The following PYGB variants were observed in gnomAD, a reference collection of about 807,000 sequenced individuals.
The protein encoded by PYGB is glycogen phosphorylase, brain form.
PYGB carries 82 observed loss-of-function variants against 94.3 expected under a neutral mutation model. The ratio of observed to expected loss-of-function variants is 0.87; its 90% CI spans 0.73 to 1.04. PYGB has a LOEUF of 1.04. PYGB is among the 50% of genes least tolerant of loss of function. The pLI is 0.00. For synonymous variants in PYGB, 488 were observed against 479.1 expected, an observed-to-expected ratio of 1.02 and a Z score of -0.24; for missense variants, 1,132 against 1,158.2, an observed-to-expected ratio of 0.98 and a Z score of 0.33.
At chr20:25,261,861 A>G (rs1431943303) in intron 2 of PYGB, among the ~76,000 whole-genome samples, 1 of 152,246 alleles carries the variant, frequency 6.6e-6, no homozygotes. Flanking sequence ...AATTCGATCA[A>G]CTGGAAAAAA....
chr20:25,249,796 G>A (rs2092882395), intron 1 of PYGB, among the ~76,000 whole-genome samples: 1 of 151,950 alleles, frequency 6.6e-6, no homozygotes, highest in Admixed American at 6.6e-5. Context: ...CAGCCAAGAA[G>A]CAGTGGCTCC....
chr20:25,295,251 AG>A (rs1163430684), intron 18 of PYGB, among the ~76,000 whole-genome samples: 1 of 152,256 alleles, frequency 6.6e-6, no homozygotes, highest in East Asian at 1.9e-4. Context: ...CCCTGCCCTG[AG>A]GCGGCGCCAT....
Position 25,280,274 on chromosome 20 carries a change from A to T in PYGB, c.1101A>T (p.Glu367Asp). 6.2e-7 allele frequency: 1 copy of T among 1,614,076 alleles called. No individual in the cohort carries two copies. Among genetic ancestry groups the T allele is most frequent in the Non-Finnish European group, 8.5e-7 (1 of 1,179,916 alleles). Residue 367 changes from glutamate to aspartate, a missense_variant, in exon 10 of 20, where the codon GAA becomes GAT. Coordinates refer to ENST00000216962, the MANE Select transcript of PYGB (RefSeq NM_002862.4). ...ATTCTCTAATGGCCTAGGCCTGGGAAATCACGAAGAAGACCTGTGCATACA... is the reference window on the plus strand; with the variant it reads ...ATTCTCTAATGGCCTAGGCCTGGGATATCACGAAGAAGACCTGTGCATACA... ...VEKVDWDKAW[E>D]ITKKTCAYTN...
intron 1 of PYGB, among the ~76,000 whole-genome samples, chr20:25,255,135 A>C (rs1216979786): frequency 6.6e-6 from 1 of 152,196 alleles, no homozygotes. Flanking sequence ...GTGCTAGCTA[A>C]TCCTCACATC....
intron 17 of PYGB, among the ~76,000 whole-genome samples, chr20:25,293,432 A>G (rs549206310): frequency 0.08 from 25 of 312 alleles, no homozygotes; most frequent in Admixed American, 0.3. Flanking sequence ...CATGATCTGG[A>G]CGTCATGAGG....
intron 17 of PYGB, among the ~76,000 whole-genome samples, chr20:25,293,048 G>T (rs2088485208): frequency 6.6e-6 from 1 of 151,828 alleles, no homozygotes; most frequent in Admixed American, 6.6e-5. Context: ...TGCTGTTGAG[G>T]TTCCCTGGTC....
chr20:25,294,293 G>A lies in PYGB; in HGVS notation c.2312+1G>A. The A allele has an allele frequency of 2.5e-6, 4 of 1,592,074 alleles. No individual in the cohort carries two copies. Among genetic ancestry groups the A allele is most frequent in the Non-Finnish European group, 3.4e-6 (4 of 1,163,250 alleles). On this transcript the variant is annotated splice_donor_variant, in intron 18 of 19. Transcript: ENST00000216962. LOFTEE classifies it high-confidence loss of function. ...TGAACATGCTGATGCACCATGACAG[G>A]TGGGACCGACTTCCCTGGTTGGGTG...
rs2088530582 is a variant in PYGB at position 25,295,676 on chromosome 20, G to A, written c.2379+6G>A. 4 of 1,612,220 alleles carry A rather than the reference G, an allele frequency of 2.5e-6. No homozygotes were observed. In the Admixed American group the frequency reaches 5.0e-5, roughly 20 times the overall value. On this transcript the variant is annotated splice_donor_region_variant and intron_variant, in intron 19 of 19. Coordinates refer to ENST00000216962, the MANE Select transcript of PYGB (RefSeq NM_002862.4). The stretch of plus-strand genomic sequence containing the variant: ...AGGTGGACCAGCTGTACCGGGTGAG[G>A]CTCCTGGGTCCAGAGGCTAGGGGAG...
chr20:25,290,134 G>A (rs768011672), intron 15 of PYGB, among the ~76,000 whole-genome samples: 1 of 152,188 alleles, frequency 6.6e-6, no homozygotes, highest in Non-Finnish European at 1.5e-5. Context: ...TGTCCCTCCA[G>A]TGTGTCCCAG....
At chr20:25,259,467 C>A in intron 2 of PYGB, 129 bp downstream of exon 2, 1 of 669,506 alleles carries the variant, frequency 1.5e-6, no homozygotes. Flanking sequence ...GATTTACGGC[C>A]TGTTCTCCCC....
intron 1 of PYGB, among the ~76,000 whole-genome samples, chr20:25,254,162 C>A (rs1219743488): frequency 6.6e-6 from 1 of 152,114 alleles, no homozygotes; most frequent in African/African-American, 2.4e-5. Flanking sequence ...GGAAGCTCTC[C>A]TACACACCCA....
In PYGB at chr20:25,283,187, G is replaced by A. The variant is rs775245437; in HGVS notation, c.1530G>A (p.Glu510=). ...LADTIVEKIG[E]EFLTDLSQLK... is the part of the protein sequence containing the mutation. ...TTTACGTTCTCCAGAAAATTGGGGAGGAGTTCCTGACTGACCTGAGCCAGC... is the reference window on the plus strand; with the variant it reads ...TTTACGTTCTCCAGAAAATTGGGGAAGAGTTCCTGACTGACCTGAGCCAGC... Residue 510 remains glutamate, a synonymous_variant, in exon 13 of 20, where the codon GAG becomes GAA. Transcript: ENST00000216962. The A allele has an allele frequency of 3.7e-6, 6 of 1,613,306 alleles. No homozygotes were observed. The highest frequency in any genetic ancestry group is 5.1e-6 in the Non-Finnish European group (6 of 1,179,398).
intron 15 of PYGB, 73 bp from the exon 16 acceptor site, chr20:25,290,408 C>T: frequency 6.4e-7 from 1 of 1,558,682 alleles, no homozygotes; most frequent in Non-Finnish European, 8.8e-7. Flanking sequence ...CTACAGACCC[C>T]AGGAACCAGG....
In PYGB at chr20:25,274,514, C is replaced by A; in HGVS notation, c.529-78C>A. ...CAGGCACTGTGTGATCTCGACCGCA[C>A]GGTCTGCTGGGTCCAGGACAGGGCG... On this transcript the variant is annotated intron_variant, in intron 4 of 19. Transcript: ENST00000216962. 5 of 1,534,070 alleles carry A rather than the reference C, an allele frequency of 3.3e-6. No homozygotes were observed. In the South Asian group the frequency reaches 6.3e-5, roughly 19 times the overall value.
At chr20:25,275,487 G>A (rs2088303180) in intron 5 of PYGB, among the ~76,000 whole-genome samples, 1 of 152,240 alleles carries the variant, frequency 6.6e-6, no homozygotes, top group Non-Finnish European at 1.5e-5. Context: ...TAACAGGAGA[G>A]CCTGGAGGCT....
intron 15 of PYGB, chr20:25,289,780 C>G: frequency 1.9e-6 from 1 of 530,122 alleles, no homozygotes; most frequent in Non-Finnish European, 3.9e-6. Flanking sequence ...TAGCTCTTCA[C>G]TCTTACATAC....
At chr20:25,283,923 C>A (rs1468629929) in intron 13 of PYGB, among the ~76,000 whole-genome samples, 181 bp from the exon 14 acceptor site, 1 of 152,078 alleles carries the variant, frequency 6.6e-6, no homozygotes, top group Non-Finnish European at 1.5e-5. Context: ...CTTCAGCATC[C>A]CCCTCTCCCC....
In PYGB at chr20:25,273,184, G is replaced by A. The variant is rs542789492; in HGVS notation, c.529-1408G>A. On this transcript the variant is annotated intron_variant, in intron 4 of 19. Transcript: ENST00000216962. ...GCACCCTGGCCAAGGGGGCAGGGAG[G>A]CCCTGCAAGGGAGACTCAGGCTGCC... Among the ~76,000 whole-genome samples, 16 of 152,370 alleles carry A rather than the reference G, an allele frequency of 1.1e-4. No homozygotes were observed. In the East Asian group the frequency reaches 3.1e-3, roughly 29 times the overall value.
rs1568687981 is a variant in PYGB, at chr20:25,269,152, CGA to C, written c.371_372del (p.Glu124GlyfsTer22). On this transcript the variant is annotated frameshift_variant, in exon 3 of 20. Coordinates refer to ENST00000216962, the MANE Select transcript of PYGB (RefSeq NM_002862.4). LOFTEE classifies it high-confidence loss of function. ...YQLGLDLEEL[E>X]EIEEDAGLGN... ...AGTTGGGGTTAGACTTGGAGGAACT[CGA>C]GGAGATAGAAGAAGATGCTGGCCTT... 16 of 1,596,772 alleles carry C rather than the reference CGA, an allele frequency of 1.0e-5. 1 individual carries two copies. In the South Asian group the frequency reaches 1.8e-4, roughly 18 times the overall value.
Sources: allele counts gnomAD v4.1 joint callset (sites outside exome capture counted in the v4.1 genomes callset), GRCh38; gene constraint gnomAD v4.1.1; transcripts MANE v1.5; gene names NCBI Gene and HGNC (gene_info 2026-07-23, HGNC 2026-07-21).